Variants in PAPPA2 observed in about 807,000 individuals in gnomAD.
PAPPA2 encodes pappalysin 2.
In PAPPA2, 86 loss-of-function variants were observed where a neutral mutation model predicts 176.4. The observed-to-expected ratio is 0.49, with a 90% confidence interval of 0.41 to 0.58. PAPPA2 has a LOEUF of 0.58. PAPPA2 is among the 20% of genes least tolerant of loss of function. PAPPA2 has a pLI of 0.00. For missense variants in PAPPA2, 2,073 were observed against 2,256.9 expected (o/e 0.92, Z 1.65); for synonymous variants, 809 against 852.2 (o/e 0.95, Z 0.88).
chr1:176,815,544 A>G (rs1290821011), intron 21 of PAPPA2, among the ~76,000 whole-genome samples: 6 of 152,188 alleles, frequency 3.9e-5, no homozygotes, highest in Admixed American at 3.3e-4. Flanking sequence ...ATGTATATGT[A>G]TTGTAAACCA....
chr1:176,654,222 G>C (rs1302478403), intron 3 of PAPPA2, among the ~76,000 whole-genome samples: 2 of 151,468 alleles, frequency 1.3e-5, no homozygotes, highest in African/African-American at 2.4e-5. Context: ...ATCCTGAGTT[G>C]ATTTTTGTAT....
chr1:176,659,560 A>G (rs1166413014), intron 3 of PAPPA2, among the ~76,000 whole-genome samples: 1 of 152,130 alleles, frequency 6.6e-6, no homozygotes, highest in Non-Finnish European at 1.5e-5. Flanking sequence ...GGACTCCAAC[A>G]TCTTATGGGG....
Position 176,618,162 on chromosome 1 carries a change from T to A in PAPPA2, c.1991+22567T>A, listed in dbSNP as rs185314753. Among the ~76,000 whole-genome samples, 381 of 152,326 alleles carry A rather than the reference T, an allele frequency of 2.5e-3. 1 individual carries two copies. The Middle Eastern group carries it at 0.027, about 11-fold the overall frequency. ...GTAAGTACTGATTAGTGTGGTCTCT[T>A]AGCCTTAGTTTTTCCACTTTGGAAT... On this transcript the variant is annotated intron_variant, in intron 3 of 22. Transcript: ENST00000367662.
chr1:176,808,067 G>A (rs1226741683), intron 21 of PAPPA2, among the ~76,000 whole-genome samples: 4 of 152,272 alleles, frequency 2.6e-5, no homozygotes, highest in Non-Finnish European at 1.5e-5. Flanking sequence ...GACCCAGCCA[G>A]TGCAATGCCC....
intron 1 of PAPPA2, among the ~76,000 whole-genome samples, chr1:176,506,362 G>A (rs1207173683): frequency 1.3e-5 from 2 of 151,304 alleles, no homozygotes; most frequent in Non-Finnish European, 2.9e-5. Context: ...ATGAATTTTA[G>A]AATAGTTTTT....
chr1:176,480,926 T>C (rs1227784923), intron 1 of PAPPA2, among the ~76,000 whole-genome samples: 2 of 152,070 alleles, frequency 1.3e-5, no homozygotes, highest in Non-Finnish European at 2.9e-5. Flanking sequence ...ACGCCTCTCC[T>C]GGGCGTACCT....
intron 1 of PAPPA2, among the ~76,000 whole-genome samples, chr1:176,538,561 A>C (rs1650200831): frequency 6.6e-6 from 1 of 152,100 alleles, no homozygotes; most frequent in Admixed American, 6.5e-5. Context: ...AGGTCTCATG[A>C]TTGCTTTTAG....
At chr1:176,732,974 C>T (rs961821596) in intron 12 of PAPPA2, among the ~76,000 whole-genome samples, 3 of 152,084 alleles carry the variant, frequency 2.0e-5, no homozygotes, top group Non-Finnish European at 2.9e-5. Context: ...CTTGTCAGAT[C>T]GGTGGCATTA....
At chr1:176,797,733 C>T (rs781272533) in intron 20 of PAPPA2, among the ~76,000 whole-genome samples, 13 of 152,100 alleles carry the variant, frequency 8.5e-5, no homozygotes, top group Non-Finnish European at 1.0e-4. Context: ...CATCTCACTG[C>T]TTTGCTTTTC....
chr1:176,471,151 A>G (rs548751813), intron 1 of PAPPA2, among the ~76,000 whole-genome samples: 1 of 152,270 alleles, frequency 6.6e-6, no homozygotes, highest in East Asian at 1.9e-4. Context: ...GAAGTGAAAA[A>G]ATAGCAAAGC....
intron 3 of PAPPA2, among the ~76,000 whole-genome samples, chr1:176,646,216 A>G (rs1354583601): frequency 6.6e-6 from 1 of 151,562 alleles, no homozygotes; most frequent in Non-Finnish European, 1.5e-5. Context: ...TAGTAGTTTC[A>G]TAGTCTTAGG....
In PAPPA2 at chr1:176,699,124, G is replaced by A; in HGVS notation, c.2771G>A (p.Cys924Tyr). Residue 924 changes from cysteine (C) to tyrosine (Y), a missense_variant, in exon 8 of 23, where the codon TGC (cysteine) becomes TAC (tyrosine). Around this residue, in one of 4 missense-constraint regions of PAPPA2, gnomAD observed 1,196 missense variants for 1,330.4 expected, o/e 0.90. Coordinates refer to ENST00000367662, the MANE Select transcript of PAPPA2 (RefSeq NM_020318.3). ...GGGCCTCCTGATGTGGATCAGCCCT[G>A]CGAGCCAAGCTTACAGGCCTGGAGC... Reference protein sequence around the residue: ...AVGPPDVDQPCEPSLQAWSPE... With the variant: ...AVGPPDVDQPYEPSLQAWSPE... 1 of 1,613,696 alleles carries A rather than the reference G, an allele frequency of 6.2e-7. No homozygotes were observed. Among genetic ancestry groups the A allele is most frequent in the South Asian group, 1.1e-5 (1 of 91,048 alleles).
intron 2 of PAPPA2, among the ~76,000 whole-genome samples, chr1:176,567,697 A>C (rs1652068530): frequency 6.6e-6 from 1 of 152,132 alleles, no homozygotes; most frequent in African/African-American, 2.4e-5. Flanking sequence ...ATTTGTTTTA[A>C]TAACAAATTA....
intron 1 of PAPPA2, among the ~76,000 whole-genome samples, chr1:176,474,586 A>C (rs1450800557): frequency 6.6e-6 from 1 of 152,168 alleles, no homozygotes; most frequent in Non-Finnish European, 1.5e-5. Context: ...TATCCAGATA[A>C]ATTTAAAAGG....
chr1:176,585,565 A>G (rs780774996), intron 2 of PAPPA2, among the ~76,000 whole-genome samples: 3 of 152,254 alleles, frequency 2.0e-5, no homozygotes, highest in Middle Eastern at 3.4e-3. Flanking sequence ...ATTTCATTAA[A>G]TAGGTTTCCT....
At chr1:176,744,022 A>G (rs1252116995) in intron 14 of PAPPA2, among the ~76,000 whole-genome samples, 3 of 152,162 alleles carry the variant, frequency 2.0e-5, no homozygotes, top group Admixed American at 6.5e-5. Context: ...ATCTGCATAG[A>G]TTTCCCAGTC....
intron 3 of PAPPA2, among the ~76,000 whole-genome samples, chr1:176,667,752 C>A (rs1451182301): frequency 6.6e-6 from 1 of 152,166 alleles, no homozygotes; most frequent in Non-Finnish European, 1.5e-5. Flanking sequence ...GATACTGATT[C>A]AACTTCCTTC....
intron 3 of PAPPA2, among the ~76,000 whole-genome samples, chr1:176,617,645 C>G (rs553649729): frequency 6.7e-6 from 1 of 149,638 alleles, no homozygotes; most frequent in Non-Finnish European, 1.5e-5. Flanking sequence ...TATTCCATGG[C>G]GCATATATAT....
intron 3 of PAPPA2, among the ~76,000 whole-genome samples, chr1:176,642,183 A>T (rs1657133606): frequency 6.6e-6 from 1 of 151,902 alleles, no homozygotes; most frequent in African/African-American, 2.4e-5. Flanking sequence ...AGAGTACATA[A>T]ATGAGGAAGG....
Sources: gnomAD v4.1 joint callset for allele counts (sites outside exome capture counted in the v4.1 genomes callset) on GRCh38, gnomAD v4.1.1 for gene constraint, gnomAD v4.1.1 regional missense constraint, MANE v1.5 for transcripts, NCBI Gene and HGNC (gene_info 2026-07-23, HGNC 2026-07-21) for gene names.